CDH13: variants seen among roughly 807,000 people sequenced by gnomAD.
CDH13 encodes cadherin-13.
In CDH13, 24 loss-of-function variants were observed where a neutral mutation model predicts 63.8. The observed-to-expected ratio is 0.38, with a 90% CI of 0.27 to 0.53. The LOEUF (loss-of-function observed/expected upper bound fraction) is 0.53, where lower values mean the gene tolerates loss of function less well. Ranked by LOEUF, CDH13 falls within the 20% of genes least tolerant of loss-of-function variation. The pLI, the probability that CDH13 is intolerant of heterozygous loss-of-function variation, is 0.85. For synonymous variants in CDH13, 503 were observed against 355.3 expected (o/e 1.42, Z -4.67); for missense variants, 1,049 against 903.1 (o/e 1.16, Z -2.07).
chr16:83,678,033 T>C (rs1915105672), intron 9 of CDH13, among the ~76,000 whole-genome samples, 175 bp from the exon 10 acceptor site: 1 of 152,140 alleles, frequency 6.6e-6, no homozygotes, highest in Non-Finnish European at 1.5e-5. Flanking sequence ...CACATTTTCA[T>C]GTTTCATATT....
At chr16:82,768,645 G>A (rs1356843190) in intron 1 of CDH13, among the ~76,000 whole-genome samples, 2 of 152,172 alleles carry the variant, frequency 1.3e-5, no homozygotes, top group Non-Finnish European at 2.9e-5. Flanking sequence ...TTTGGGGCAG[G>A]TTAGGAGAGC....
intron 3 of CDH13, among the ~76,000 whole-genome samples, chr16:83,104,257 C>T (rs1417628491): frequency 1.3e-5 from 2 of 152,154 alleles, no homozygotes; most frequent in South Asian, 4.1e-4. Context: ...GGATCTGACA[C>T]ACCTTGGAAC....
At chr16:82,998,042 C>G (rs74377800) in intron 2 of CDH13, among the ~76,000 whole-genome samples, 3,463 of 152,270 alleles carry the variant, frequency 0.023, 118 homozygotes, top group African/African-American at 0.076. Context: ...TGAGCACTCA[C>G]AGTCATGGTC....
intron 5 of CDH13, among the ~76,000 whole-genome samples, chr16:83,291,479 C>A (rs1241512154): frequency 6.6e-6 from 1 of 152,128 alleles, no homozygotes; most frequent in Non-Finnish European, 1.5e-5. Context: ...GGGACAAAGT[C>A]ATCATTAGGC....
intron 10 of CDH13, among the ~76,000 whole-genome samples, chr16:83,723,967 G>A (rs1374001950): frequency 9.3e-4 from 141 of 152,230 alleles, no homozygotes; most frequent in Admixed American, 9.2e-3. Flanking sequence ...GCCTGGGTGG[G>A]TGATGAATGC....
intron 2 of CDH13, among the ~76,000 whole-genome samples, chr16:82,905,575 T>C (rs1182110374): frequency 1.3e-5 from 2 of 152,120 alleles, no homozygotes; most frequent in Admixed American, 1.3e-4. Context: ...GAAACCACAT[T>C]TTCCTTAACC....
intron 1 of CDH13, among the ~76,000 whole-genome samples, chr16:82,750,620 G>A (rs2034374825): frequency 1.3e-5 from 2 of 152,116 alleles, no homozygotes; most frequent in South Asian, 4.1e-4. Context: ...AGGTGGAGAA[G>A]GAAGACCTTA....
At chr16:83,747,149 G>C (rs1912657302) in intron 10 of CDH13, among the ~76,000 whole-genome samples, 1 of 152,220 alleles carries the variant, frequency 6.6e-6, no homozygotes, top group Non-Finnish European at 1.5e-5. Context: ...TGTCACAGCA[G>C]TGAACAAATT....
At chr16:83,015,283 A>G (rs1597412176) in intron 2 of CDH13, among the ~76,000 whole-genome samples, 1 of 151,974 alleles carries the variant, frequency 6.6e-6, no homozygotes, top group African/African-American at 2.4e-5. Context: ...AAGGATGTAT[A>G]CCTATTTAAA....
intron 3 of CDH13, among the ~76,000 whole-genome samples, chr16:83,075,675 T>C (rs2032783832): frequency 1.3e-5 from 2 of 152,170 alleles, no homozygotes; most frequent in South Asian, 4.1e-4. Context: ...GGCAAAGTAA[T>C]TACAAGGAAA....
At chr16:82,841,892 A>G (rs1346598050) in intron 1 of CDH13, among the ~76,000 whole-genome samples, 1 of 151,928 alleles carries the variant, frequency 6.6e-6, no homozygotes, top group African/African-American at 2.4e-5. Flanking sequence ...CAGTGATTTC[A>G]CATTAGTAGC....
At chr16:82,999,106 A>C (rs141340725) in intron 2 of CDH13, among the ~76,000 whole-genome samples, 105 of 152,250 alleles carry the variant, frequency 6.9e-4, no homozygotes, top group Middle Eastern at 3.4e-3. Context: ...TGGTGAAAGC[A>C]TCCCTCTTCT....
At chr16:83,271,823 C>A (rs1367801598) in intron 5 of CDH13, among the ~76,000 whole-genome samples, 1 of 152,146 alleles carries the variant, frequency 6.6e-6, no homozygotes, top group Non-Finnish European at 1.5e-5. Flanking sequence ...AAAAATGCTG[C>A]TGTCCAATCA....
At chr16:83,708,778 A>C (rs1235702196) in intron 10 of CDH13, among the ~76,000 whole-genome samples, 1 of 152,190 alleles carries the variant, frequency 6.6e-6, no homozygotes, top group Non-Finnish European at 1.5e-5. Context: ...TAATTCCAGC[A>C]CTTTGGGAGG....
At position 83,116,605 on chromosome 16, in the gene CDH13, A is replaced by G. The variant is rs556043621; in HGVS notation, c.367-8780A>G. Among the ~76,000 whole-genome samples the G allele has an allele frequency of 6.6e-5, 10 of 152,350 alleles. No homozygotes were observed. In the East Asian group the frequency reaches 1.7e-3, roughly 26 times the overall value. ...AAATGTCCAGAAAAGACAAACATAT[A>G]CAGCCAGTGGCTGTGGTAAAGTGGG... On this transcript the variant is annotated intron_variant, in intron 3 of 13. Transcript: ENST00000567109.
intron 6 of CDH13, among the ~76,000 whole-genome samples, chr16:83,402,626 C>T (rs1309488514): frequency 6.6e-6 from 1 of 152,212 alleles, no homozygotes; most frequent in Non-Finnish European, 1.5e-5. Context: ...TCACTGTTCT[C>T]ATTGATAAAT....
intron 1 of CDH13, among the ~76,000 whole-genome samples, chr16:82,774,457 A>G (rs973548282): frequency 1.3e-5 from 2 of 152,142 alleles, no homozygotes; most frequent in Non-Finnish European, 2.9e-5. Flanking sequence ...AATATACATA[A>G]CATAGAGGAA....
At chr16:83,119,110 G>A (rs551534327) in intron 3 of CDH13, among the ~76,000 whole-genome samples, 4 of 152,286 alleles carry the variant, frequency 2.6e-5, no homozygotes, top group Admixed American at 6.5e-5. Context: ...AGCAGCCTCC[G>A]TGATTTTGGA....
chr16:83,596,649 A>C (rs1436937159), intron 7 of CDH13, among the ~76,000 whole-genome samples: 1 of 152,094 alleles, frequency 6.6e-6, no homozygotes, highest in African/African-American at 2.4e-5. Context: ...AGAGCTAGGA[A>C]ATTAGGGGGT....
Sources: gnomAD v4.1 joint callset for allele counts (sites outside exome capture counted in the v4.1 genomes callset) on GRCh38, gnomAD v4.1.1 for gene constraint, MANE v1.5 for transcripts, NCBI Gene and HGNC (gene_info 2026-07-23, HGNC 2026-07-21) for gene names.